HNRNPC: variants seen among roughly 807,000 people sequenced by gnomAD.
HNRNPC encodes the protein heterogeneous nuclear ribonucleoprotein C, also known as heterogeneous nuclear ribonucleoproteins C1/C2.
In HNRNPC, 3 loss-of-function variants were observed where a neutral mutation model predicts 33.2. The observed-to-expected ratio is 0.09, with a 90% CI of 0.04 to 0.23. HNRNPC has a LOEUF of 0.23. Among genes scored for constraint, HNRNPC ranks in the 10% least tolerant of loss-of-function variants. HNRNPC has a pLI of 1.00. For synonymous variants in HNRNPC, 121 were observed against 126.7 expected (o/e 0.96, Z 0.30); for missense variants, 143 against 366.7 (o/e 0.39, Z 4.98).
chr14:21,245,248 T>A (rs569944060), intron 2 of HNRNPC, among the ~76,000 whole-genome samples: 1 of 152,142 alleles, frequency 6.6e-6, no homozygotes, highest in African/African-American at 2.4e-5. Context: ...GTAATCCCAG[T>A]ACTTTTGGAG....
rs1594252256 is a variant in HNRNPC at position 21,233,861 on chromosome 14, T to C, written c.241+92A>G. 8 of 1,457,000 alleles carry C rather than the reference T, an allele frequency of 5.5e-6. No individual in the cohort carries two copies. The Middle Eastern group carries it at 9.0e-4, about 164-fold the overall frequency. The allele number at this position is 1,457,000 out of a possible 1,614,324, so 90.3% of individuals were successfully genotyped here. A position where few individuals can be genotyped will look rare whatever the true frequency, so the allele number is the denominator to read the frequency against. ...CAGTCGCAATATCCAGAATATCTCA[T>C]GCTGTCAGTTTTACAGACATAAAGA... On this transcript the variant is annotated intron_variant, in intron 3 of 8. Transcript: ENST00000553300.
At chr14:21,265,338 C>G (rs547319690) in intron 1 of HNRNPC, 1 of 152,294 alleles carries the variant, frequency 6.6e-6, no homozygotes, top group Admixed American at 6.5e-5. Flanking sequence ...TCAACCACAA[C>G]CAAGTCCTTT....
At chr14:21,220,836 A>AT (rs1305022133) in intron 5 of HNRNPC, among the ~76,000 whole-genome samples, 1 of 152,036 alleles carries the variant, frequency 6.6e-6, no homozygotes, top group African/African-American at 2.4e-5. Context: ...TTATTTAAAA[A>AT]AAAAAAAATC....
chr14:21,230,695 C>T (rs1432453154), intron 4 of HNRNPC: 3 of 475,786 alleles, frequency 6.3e-6, no homozygotes, highest in South Asian at 7.7e-5. Context: ...GTCTTAGAAG[C>T]TCAACGATCC....
At chr14:21,248,989 T>C (rs1027220689) in intron 2 of HNRNPC, among the ~76,000 whole-genome samples, 6 of 152,188 alleles carry the variant, frequency 3.9e-5, no homozygotes, top group South Asian at 2.1e-4. Context: ...ACACGTGACA[T>C]TGACGTGGAG....
Position 21,238,197 on chromosome 14 carries a change from A to G in HNRNPC, c.-36-3968T>C, listed in dbSNP as rs113782133. On this transcript the variant is annotated intron_variant, in intron 2 of 8. Coordinates refer to ENST00000553300, the MANE Select transcript of HNRNPC (RefSeq NM_004500.4). Reference sequence around the variant, plus strand: ...TCTAAATTACTTGGTCATATTCTATATGAATTTTTATAACCGAGTTCTAAC... The same window carrying G: ...TCTAAATTACTTGGTCATATTCTATGTGAATTTTTATAACCGAGTTCTAAC... Among the ~76,000 whole-genome samples, 813 of 152,356 alleles carry G rather than the reference A, an allele frequency of 5.3e-3. 6 individuals carry two copies. Among genetic ancestry groups the G allele is most frequent in the African/African-American group, 0.019 (784 of 41,572 alleles).
At position 21,226,898 on chromosome 14, in the gene HNRNPC, G is replaced by A. The variant is rs952985750; in HGVS notation, c.365+3421C>T. On this transcript the variant is annotated intron_variant, in intron 5 of 8. Coordinates refer to ENST00000553300, the MANE Select transcript of HNRNPC (RefSeq NM_004500.4). Reference sequence around the variant, plus strand: ...CATCTCAAAAAAAAAAAAAAAAAGGGGGGGGGGGGACAGTGATTTTTACTC... The same window carrying A: ...CATCTCAAAAAAAAAAAAAAAAAGGAGGGGGGGGGACAGTGATTTTTACTC... 8.5e-3 allele frequency among the ~76,000 whole-genome samples: 666 copies of A among 78,758 alleles called. 13 individuals carry two copies. Among genetic ancestry groups the A allele is most frequent in the African/African-American group, 0.038 (622 of 16,394 alleles). 51.7% of individuals were successfully genotyped at this position (78,758 alleles called of 152,430 possible). A position where few individuals can be genotyped will look rare whatever the true frequency, so the allele number is the denominator to read the frequency against.
intron 2 of HNRNPC, among the ~76,000 whole-genome samples, chr14:21,247,525 C>T (rs1316399356): frequency 1.3e-5 from 2 of 152,082 alleles, no homozygotes; most frequent in Non-Finnish European, 1.5e-5. Flanking sequence ...GTTTAGTTTT[C>T]TATTTTTTGT....
intron 1 of HNRNPC, 105 bp from the exon 2 acceptor site, chr14:21,263,441 C>T (rs1259591766): frequency 6.6e-6 from 1 of 152,088 alleles, no homozygotes; most frequent in African/African-American, 2.4e-5. Flanking sequence ...AAGCAGTTTC[C>T]ACAAAAACCG....
intron 3 of HNRNPC, chr14:21,231,435 C>T: frequency 2.2e-6 from 1 of 458,588 alleles, no homozygotes; most frequent in Non-Finnish European, 4.4e-6. Context: ...TGGCTCAATA[C>T]AGCCTAGACC....
chr14:21,253,651 C>T (rs930387057), intron 2 of HNRNPC, among the ~76,000 whole-genome samples: 1 of 151,918 alleles, frequency 6.6e-6, no homozygotes. Context: ...AATACAGGGT[C>T]AAATCTTAAA....
At chr14:21,231,418 G>A (rs1158268362) in intron 3 of HNRNPC, 2 of 463,610 alleles carry the variant, frequency 4.3e-6, no homozygotes, top group East Asian at 6.7e-5. Context: ...GTGCAGTGAT[G>A]CAATAATGGC....
chr14:21,254,253 A>C (rs1876732299), intron 2 of HNRNPC, among the ~76,000 whole-genome samples: 1 of 152,160 alleles, frequency 6.6e-6, no homozygotes, highest in South Asian at 2.1e-4. Flanking sequence ...TTGGTAAAAT[A>C]AAATATAGTA....
chr14:21,213,158 A>G, intron 5 of HNRNPC, 41 bp from the exon 6 acceptor site: 1 of 1,590,244 alleles, frequency 6.3e-7, no homozygotes, highest in Non-Finnish European at 8.6e-7. Context: ...CAAACCTAAC[A>G]TTAACTCAGC....
chr14:21,258,629 A>G (rs1343468491), intron 2 of HNRNPC, among the ~76,000 whole-genome samples: 2 of 152,194 alleles, frequency 1.3e-5, no homozygotes, highest in African/African-American at 4.8e-5. Flanking sequence ...CACAACTTTA[A>G]CAGTGTTGGA....
chr14:21,251,470 G>T (rs143418117), intron 2 of HNRNPC, among the ~76,000 whole-genome samples: 1 of 151,918 alleles, frequency 6.6e-6, no homozygotes, highest in East Asian at 1.9e-4. Context: ...CTTGAGGTCA[G>T]GAGTTCCAGA....
At chr14:21,253,030 C>T (rs930299622) in intron 2 of HNRNPC, among the ~76,000 whole-genome samples, 7 of 148,048 alleles carry the variant, frequency 4.7e-5, no homozygotes, top group South Asian at 2.1e-4. Flanking sequence ...AAAAATTAGC[C>T]GGGCGTGGTG....
chr14:21,214,909 C>T (rs981687366), intron 5 of HNRNPC, among the ~76,000 whole-genome samples: 1 of 152,126 alleles, frequency 6.6e-6, no homozygotes, highest in Non-Finnish European at 1.5e-5. Context: ...TGAGCTTAAG[C>T]CTCAGTCCAA....
intron 2 of HNRNPC, among the ~76,000 whole-genome samples, chr14:21,239,917 A>T (rs146443550): frequency 6.6e-6 from 1 of 152,216 alleles, no homozygotes; most frequent in South Asian, 2.1e-4. Flanking sequence ...AGTGGTTAGC[A>T]CTCAAATTTC....
Sources: allele counts gnomAD v4.1 joint callset (sites outside exome capture counted in the v4.1 genomes callset), GRCh38; gene constraint gnomAD v4.1.1; transcripts MANE v1.5; gene names NCBI Gene and HGNC (gene_info 2026-07-23, HGNC 2026-07-21).